Variants in PTPRD observed in about 807,000 individuals in gnomAD.
The protein encoded by PTPRD is receptor-type tyrosine-protein phosphatase delta.
PTPRD carries 34 observed loss-of-function variants against 214.5 expected under a neutral mutation model. That is an observed-to-expected ratio of 0.16 (90% CI 0.12 to 0.21). The LOEUF (loss-of-function observed/expected upper bound fraction) is 0.21. Ranked by LOEUF, PTPRD falls within the 10% of genes least tolerant of loss-of-function variation. The probability of loss-of-function intolerance (pLI) is 1.00; values close to 1 mark genes in which losing one functional copy is unlikely to be tolerated. For synonymous variants in PTPRD, 1,128 were observed against 845.7 expected (o/e 1.33, Z -5.79); for missense variants, 2,545 against 2,398.7 (o/e 1.06, Z -1.27).
At chr9:9,371,591 GT>G in intron 9 of PTPRD, among the ~76,000 whole-genome samples, 1 of 152,130 alleles carries the variant, frequency 6.6e-6, no homozygotes, top group African/African-American at 2.4e-5. Flanking sequence ...TTTTTGAAGG[GT>G]TTTTTGTGTC....
chr9:9,608,331 G>A (rs184399691), intron 7 of PTPRD, among the ~76,000 whole-genome samples: 2 of 152,156 alleles, frequency 1.3e-5, no homozygotes, highest in African/African-American at 4.8e-5. Context: ...TCTGGTGCAT[G>A]GTTATTTAAC....
At chr9:8,351,020 T>C (rs778808507) in intron 39 of PTPRD, among the ~76,000 whole-genome samples, 6 of 152,130 alleles carry the variant, frequency 3.9e-5, no homozygotes, top group African/African-American at 7.2e-5. Flanking sequence ...TAGAAAGAGA[T>C]TTTATTGTAG....
At chr9:9,555,445 A>G (rs2081289713) in intron 8 of PTPRD, among the ~76,000 whole-genome samples, 1 of 152,026 alleles carries the variant, frequency 6.6e-6, no homozygotes, top group African/African-American at 2.4e-5. Flanking sequence ...GATTCCCTAA[A>G]CCTGTCTTTA....
intron 10 of PTPRD, among the ~76,000 whole-genome samples, chr9:9,028,608 A>T (rs1362635329): frequency 2.0e-5 from 3 of 151,982 alleles, no homozygotes; most frequent in African/African-American, 7.2e-5. Flanking sequence ...TACTCCATCA[A>T]CAAATATTTA....
intron 3 of PTPRD, among the ~76,000 whole-genome samples, chr9:10,313,922 G>C (rs938526971): frequency 3.9e-5 from 6 of 151,924 alleles, no homozygotes; most frequent in African/African-American, 1.4e-4. Flanking sequence ...TCACGGTTCA[G>C]ACTAGACAGA....
intron 9 of PTPRD, among the ~76,000 whole-genome samples, chr9:9,375,170 T>C (rs2060460678): frequency 6.6e-6 from 1 of 152,142 alleles, no homozygotes; most frequent in African/African-American, 2.4e-5. Context: ...TTCTACATCA[T>C]ACTGAAAGAC....
chr9:10,248,669 T>C (rs1176102732), intron 3 of PTPRD, among the ~76,000 whole-genome samples: 1 of 152,012 alleles, frequency 6.6e-6, no homozygotes, highest in East Asian at 1.9e-4. Context: ...ATGTCCATCA[T>C]GAGGTTGCTT....
At chr9:10,381,954 T>C (rs2097834657) in intron 2 of PTPRD, among the ~76,000 whole-genome samples, 1 of 151,910 alleles carries the variant, frequency 6.6e-6, no homozygotes. Context: ...TAAAATTATC[T>C]CTTTTGTTTC....
chr9:9,520,430 T>C (rs981579313), intron 8 of PTPRD, among the ~76,000 whole-genome samples: 3 of 151,974 alleles, frequency 2.0e-5, no homozygotes, highest in South Asian at 4.2e-4. Flanking sequence ...TAATAACATA[T>C]GGAAAATACA....
intron 6 of PTPRD, among the ~76,000 whole-genome samples, chr9:9,761,327 C>A (rs917083694): frequency 1.6e-4 from 25 of 152,144 alleles, no homozygotes; most frequent in Admixed American, 1.5e-3. Context: ...TTTAAAATGA[C>A]AACATTTTAG....
intron 5 of PTPRD, among the ~76,000 whole-genome samples, chr9:9,805,514 G>C (rs1194317652): frequency 2.0e-5 from 3 of 152,152 alleles, no homozygotes; most frequent in Non-Finnish European, 1.5e-5. Context: ...TTTGCTATCT[G>C]AAGGAACCCT....
chr9:9,318,959 G>C (rs1357320816), intron 9 of PTPRD, among the ~76,000 whole-genome samples: 4 of 152,110 alleles, frequency 2.6e-5, no homozygotes, highest in Non-Finnish European at 5.9e-5. Context: ...GCAATATACA[G>C]TGCCTTCATT....
intron 6 of PTPRD, among the ~76,000 whole-genome samples, chr9:9,749,369 CTA>C (rs1250789440): frequency 4.6e-5 from 7 of 152,128 alleles, no homozygotes; most frequent in African/African-American, 1.7e-4. Flanking sequence ...CCAATCATCT[CTA>C]TAATAAAACT....
intron 18 of PTPRD, 121 bp from the exon 19 acceptor site, chr9:8,523,645 T>C (rs2097937303): frequency 9.8e-7 from 1 of 1,024,544 alleles, no homozygotes; most frequent in African/African-American, 1.6e-5. Context: ...TGAACATCTT[T>C]ATTCGCTCTA....
At chr9:10,181,946 A>T (rs1209576419) in intron 3 of PTPRD, among the ~76,000 whole-genome samples, 1 of 146,490 alleles carries the variant, frequency 6.8e-6, no homozygotes, top group Non-Finnish European at 1.5e-5. Flanking sequence ...AAATACTAAA[A>T]AAAAAAAAAA....
chr9:10,463,239 G>A (rs991236124), intron 2 of PTPRD, among the ~76,000 whole-genome samples: 3 of 151,990 alleles, frequency 2.0e-5, no homozygotes, highest in Non-Finnish European at 4.4e-5. Flanking sequence ...CAAGCTTTTT[G>A]TTGTTACAAT....
intron 10 of PTPRD, among the ~76,000 whole-genome samples, chr9:9,118,027 CCTGAAGCACAA>C: frequency 6.6e-6 from 1 of 152,190 alleles, no homozygotes. Context: ...AAGTGAGGGA[CCTGAAGCACAA>C]CTGAAGCATA....
chr9:9,365,394 A>T (rs2057595420), intron 9 of PTPRD, among the ~76,000 whole-genome samples: 1 of 151,556 alleles, frequency 6.6e-6, no homozygotes, highest in African/African-American at 2.4e-5. Flanking sequence ...TGAAGAAATA[A>T]TGTCTTTATT....
intron 5 of PTPRD, among the ~76,000 whole-genome samples, chr9:9,896,795 T>A (rs1204501231): frequency 6.6e-6 from 1 of 152,058 alleles, no homozygotes; most frequent in East Asian, 1.9e-4. Context: ...AAATATAATG[T>A]AAAAATGACC....
Sources: gnomAD v4.1 joint callset for allele counts (sites outside exome capture counted in the v4.1 genomes callset) on GRCh38, gnomAD v4.1.1 for gene constraint, MANE v1.5 for transcripts, NCBI Gene and HGNC (gene_info 2026-07-23, HGNC 2026-07-21) for gene names.